Variants in SLC14A2 observed in about 807,000 individuals in gnomAD.
SLC14A2 encodes the protein urea transporter 2.
A neutral mutation model predicts 104.6 loss-of-function variants in SLC14A2; 91 were observed. The ratio of observed to expected loss-of-function variants is 0.87; its 90% CI spans 0.73 to 1.04. SLC14A2 has a LOEUF of 1.04. Ranked by LOEUF, SLC14A2 falls within the 50% of genes least tolerant of loss-of-function variation. The pLI is 0.00. For synonymous variants in SLC14A2, 476 were observed against 466.4 expected (o/e 1.02, Z -0.27); for missense variants, 1,189 against 1,156.0 (o/e 1.03, Z -0.41).
At position 45,575,614 on chromosome 18, in the gene SLC14A2, G is replaced by A. The variant is rs542967322; in HGVS notation, c.-34-49017G>A. Among the ~76,000 whole-genome samples, 11 of 152,264 alleles carry A rather than the reference G, an allele frequency of 7.2e-5. 1 individual carries two copies. In the South Asian group the frequency reaches 1.7e-3, roughly 23 times the overall value. On this transcript the variant is annotated intron_variant, in intron 2 of 20. Transcript: ENST00000586448. ...CTCCAAGGTAATTTTAAAGAACACC[G>A]CATTTTGCTTTCATTTTCCTCTGGC...
chr18:45,469,560 G>T (rs145996909), intron 1 of SLC14A2, among the ~76,000 whole-genome samples: 238 of 152,266 alleles, frequency 1.6e-3, no homozygotes, highest in Non-Finnish European at 3.0e-3. Flanking sequence ...TGGAGCAAAG[G>T]TATCTCTCTT....
chr18:45,374,643 A>T (rs933184857), intron 1 of SLC14A2, among the ~76,000 whole-genome samples: 2 of 152,092 alleles, frequency 1.3e-5, no homozygotes, highest in African/African-American at 2.4e-5. Context: ...ATCACAAGCC[A>T]GTTACAGACT....
chr18:45,283,385 G>A (rs2084782643), intron 1 of SLC14A2, among the ~76,000 whole-genome samples: 1 of 135,324 alleles, frequency 7.4e-6, no homozygotes, highest in African/African-American at 3.2e-5. Context: ...CCCAGACACT[G>A]ACTTAATACC....
chr18:45,358,796 G>A lies in SLC14A2; in HGVS notation c.-124-124437G>A, dbSNP rs566886506. 2.2e-3 allele frequency among the ~76,000 whole-genome samples: 333 copies of A among 152,074 alleles called. 1 individual carries two copies. The highest frequency in any genetic ancestry group is 0.011 in the South Asian group (55 of 4,804). On this transcript the variant is annotated intron_variant, in intron 1 of 20. Transcript: ENST00000586448. ...GTGATCTTGCTATGTTGCTGGTCTC[G>A]AATTCCTGACCTCAAACAGTCCTCC... is the stretch of plus-strand genomic sequence containing the variant.
At chr18:45,265,736 G>T (rs2084585785) in intron 1 of SLC14A2, among the ~76,000 whole-genome samples, 1 of 152,182 alleles carries the variant, frequency 6.6e-6, no homozygotes, top group African/African-American at 2.4e-5. Flanking sequence ...TGAGGAGAGG[G>T]CAAGCCCATC....
chr18:45,505,405 G>T (rs974324237), intron 2 of SLC14A2, among the ~76,000 whole-genome samples: 7 of 152,150 alleles, frequency 4.6e-5, no homozygotes, highest in Non-Finnish European at 1.0e-4. Context: ...ATGGGAAAAT[G>T]GAACCAAAAA....
At chr18:45,557,149 C>T (rs1396618845) in intron 2 of SLC14A2, among the ~76,000 whole-genome samples, 2 of 152,332 alleles carry the variant, frequency 1.3e-5, no homozygotes, top group Non-Finnish European at 1.5e-5. Context: ...CTTAGTTTTG[C>T]TGCCATGGAA....
At chr18:45,352,607 C>T (rs73429992) in intron 1 of SLC14A2, among the ~76,000 whole-genome samples, 1 of 151,966 alleles carries the variant, frequency 6.6e-6, no homozygotes, top group African/African-American at 2.4e-5. Context: ...TACAACCCAT[C>T]GAGAGAGACA....
chr18:45,250,753 TCC>T (rs1568121118), intron 1 of SLC14A2, among the ~76,000 whole-genome samples: 7,115 of 134,988 alleles, frequency 0.053, 307 homozygotes, highest in Non-Finnish European at 0.065. Flanking sequence ...AGTGGCTTCT[TCC>T]TTTTTTTTTT....
chr18:45,590,961 A>C (rs1372992307), intron 2 of SLC14A2, among the ~76,000 whole-genome samples: 1 of 152,142 alleles, frequency 6.6e-6, no homozygotes, highest in African/African-American at 2.4e-5. Context: ...CACATAACCA[A>C]CATGAGTGAC....
At chr18:45,256,088 G>A (rs2084475317) in intron 1 of SLC14A2, among the ~76,000 whole-genome samples, 4 of 152,134 alleles carry the variant, frequency 2.6e-5, no homozygotes, top group Admixed American at 2.6e-4. Context: ...GGAGGTGCCG[G>A]AACAAATGTC....
At chr18:45,617,209 C>G (rs767373053) in intron 1 of SLC14A2, among the ~76,000 whole-genome samples, 36 of 152,196 alleles carry the variant, frequency 2.4e-4, no homozygotes, top group Admixed American at 7.8e-4. Flanking sequence ...CTCTCTCCCC[C>G]ACCTCATCTC....
intron 1 of SLC14A2, among the ~76,000 whole-genome samples, chr18:45,232,127 G>A (rs941218437): frequency 7.2e-5 from 11 of 152,140 alleles, no homozygotes; most frequent in African/African-American, 2.7e-4. Flanking sequence ...CACACTGCTA[G>A]CAAGAACTAC....
intron 2 of SLC14A2, among the ~76,000 whole-genome samples, chr18:45,514,762 C>T (rs969700056): frequency 1.3e-5 from 2 of 152,066 alleles, no homozygotes; most frequent in African/African-American, 4.8e-5. Flanking sequence ...CAACTTATAC[C>T]CTCGAAACGT....
intron 1 of SLC14A2, among the ~76,000 whole-genome samples, chr18:45,345,517 T>C (rs1025612961): frequency 6.6e-6 from 1 of 152,188 alleles, no homozygotes; most frequent in Non-Finnish European, 1.5e-5. Context: ...CCCTTTTGTT[T>C]ATTACCCTGA....
intron 2 of SLC14A2, among the ~76,000 whole-genome samples, chr18:45,598,737 C>G (rs913468479): frequency 1.3e-5 from 2 of 152,164 alleles, no homozygotes; most frequent in African/African-American, 2.4e-5. Flanking sequence ...GGACTCTTGT[C>G]CTGACTTTCT....
intron 1 of SLC14A2, among the ~76,000 whole-genome samples, chr18:45,406,278 C>T (rs1425002344): frequency 1.3e-5 from 2 of 152,284 alleles, no homozygotes; most frequent in African/African-American, 4.8e-5. Context: ...GAACCACTTT[C>T]TTTTCTCATT....
chr18:45,479,558 A>G (rs1467032950), intron 1 of SLC14A2, among the ~76,000 whole-genome samples: 1 of 152,144 alleles, frequency 6.6e-6, no homozygotes, highest in Non-Finnish European at 1.5e-5. Context: ...CTCACTCACT[A>G]TCTGTGCCAA....
At chr18:45,523,447 A>G (rs992706472) in intron 2 of SLC14A2, among the ~76,000 whole-genome samples, 3 of 149,748 alleles carry the variant, frequency 2.0e-5, no homozygotes, top group African/African-American at 7.4e-5. Context: ...CTCCTGCCTC[A>G]GCCTCCTGAG....
Sources: allele counts gnomAD v4.1 joint callset (sites outside exome capture counted in the v4.1 genomes callset), GRCh38; gene constraint gnomAD v4.1.1; transcripts MANE v1.5; gene names NCBI Gene and HGNC (gene_info 2026-07-23, HGNC 2026-07-21).